ASPRV1: variants seen among roughly 807,000 people sequenced by gnomAD.
ASPRV1 encodes aspartic peptidase retroviral like 1.
ASPRV1 carries 7 observed loss-of-function variants against 11.0 expected under a neutral mutation model. The observed-to-expected ratio is 0.64, with a 90% CI of 0.36 to 1.20. The LOEUF (loss-of-function observed/expected upper bound fraction) is 1.20. Ranked by LOEUF, ASPRV1 falls within the 50% of genes most tolerant of loss-of-function variation. ASPRV1 has a pLI of 0.02. For missense variants in ASPRV1, 299 were observed against 320.0 expected (o/e 0.93, Z 0.50); for synonymous variants, 136 against 138.4 (o/e 0.98, Z 0.12).
At chr2:70,071,180 A>G in the ASPRV1 span, among the ~76,000 whole-genome samples, 1 of 152,248 alleles carries the variant, frequency 6.6e-6, no homozygotes, top group African/African-American at 2.4e-5. Flanking sequence ...GACTTAGCTC[A>G]CCATCAATTC....
the ASPRV1 span, among the ~76,000 whole-genome samples, chr2:70,068,806 G>A: frequency 1.3e-5 from 2 of 151,622 alleles, no homozygotes; most frequent in Admixed American, 6.6e-5. Flanking sequence ...TTAGCCAGTC[G>A]TGGTGGCACA....
the ASPRV1 span, among the ~76,000 whole-genome samples, chr2:70,078,121 C>G: frequency 1.3e-5 from 2 of 152,306 alleles, no homozygotes; most frequent in African/African-American, 4.8e-5. Flanking sequence ...CGCGCCACTG[C>G]ACTCCAGCCT....
the ASPRV1 span, among the ~76,000 whole-genome samples, chr2:70,063,234 G>A: frequency 0.022 from 3,289 of 151,838 alleles, 127 homozygotes; most frequent in African/African-American, 0.076. Flanking sequence ...CTTGGCACAT[G>A]AGTGCCCCCT....
chr2:70,075,959 TCTTA>T, the ASPRV1 span, among the ~76,000 whole-genome samples: 1 of 152,090 alleles, frequency 6.6e-6, no homozygotes, highest in Non-Finnish European at 1.5e-5. Context: ...CCGGACAAGC[TCTTA>T]CTTATGGTCC....
At chr2:70,020,105 G>A in the ASPRV1 span, among the ~76,000 whole-genome samples, 3 of 152,122 alleles carry the variant, frequency 2.0e-5, no homozygotes, top group East Asian at 1.9e-4. Context: ...GTGTCGCAAC[G>A]ATATGGGGAA....
At chr2:70,087,007 T>TCCCCCC in the ASPRV1 span, 1 of 62,322 alleles carries the variant, frequency 1.6e-5, no homozygotes, top group Admixed American at 1.6e-4. Context: ...TCGCCGCCCC[T>TCCCCCC]CCCCCCCGGA....
the ASPRV1 span, among the ~76,000 whole-genome samples, chr2:70,042,951 T>G: frequency 6.6e-6 from 1 of 152,126 alleles, no homozygotes; most frequent in Admixed American, 6.6e-5. Flanking sequence ...ACAGTGAAAT[T>G]GAACCTCAGG....
At chr2:70,064,679 T>C in the ASPRV1 span, among the ~76,000 whole-genome samples, 2 of 152,188 alleles carry the variant, frequency 1.3e-5, no homozygotes, top group Admixed American at 1.3e-4. Flanking sequence ...ATGCAGATGA[T>C]GCTGGAGAGG....
chr2:69,995,004 AAAAT>A, the ASPRV1 span, among the ~76,000 whole-genome samples: 42 of 151,738 alleles, frequency 2.8e-4, no homozygotes, highest in African/African-American at 8.9e-4. Flanking sequence ...TCCGTCTCAA[AAAAT>A]AAATAAATAA....
chr2:70,043,234 A>G, the ASPRV1 span, among the ~76,000 whole-genome samples: 7 of 152,230 alleles, frequency 4.6e-5, no homozygotes, highest in African/African-American at 1.7e-4. Context: ...CCTGGCCAAC[A>G]TGGTGAAACC....
chr2:69,991,077 A>C, the ASPRV1 span, among the ~76,000 whole-genome samples: 1 of 151,974 alleles, frequency 6.6e-6, no homozygotes, highest in Non-Finnish European at 1.5e-5. Flanking sequence ...AGCTATATAA[A>C]TTCACCTCTC....
the ASPRV1 span, among the ~76,000 whole-genome samples, chr2:70,041,534 G>A: frequency 7.2e-5 from 11 of 152,148 alleles, no homozygotes; most frequent in Non-Finnish European, 2.9e-5. Context: ...AGGGAAAGGA[G>A]AAAATTTATG....
chr2:70,074,653 G>T, the ASPRV1 span, among the ~76,000 whole-genome samples: 1 of 151,926 alleles, frequency 6.6e-6, no homozygotes, highest in Non-Finnish European at 1.5e-5. Context: ...TGGTGGCAGG[G>T]TCAAGTCAAG....
At chr2:70,058,550 A>C in the ASPRV1 span, among the ~76,000 whole-genome samples, 3 of 150,822 alleles carry the variant, frequency 2.0e-5, no homozygotes, top group South Asian at 4.2e-4. Context: ...ACTCTGAAGA[A>C]ATTTTTTTTT....
At chr2:69,964,532 C>T (rs1434964837), upstream of ASPRV1, 2 of 282,258 alleles carry the variant, frequency 7.1e-6, no homozygotes, top group Non-Finnish European at 1.4e-5. Flanking sequence ...CTTGGAATGG[C>T]TACGCCAGAG....
chr2:70,028,622 T>C, the ASPRV1 span: 1 of 152,098 alleles, frequency 6.6e-6, no homozygotes, highest in Non-Finnish European at 1.5e-5. Context: ...TGTTGAGAGG[T>C]AGGATCTTTA....
the ASPRV1 span, among the ~76,000 whole-genome samples, chr2:70,057,700 A>G: frequency 6.6e-6 from 1 of 151,694 alleles, no homozygotes; most frequent in Non-Finnish European, 1.5e-5. Context: ...GCTGGTCTTG[A>G]ACTCCTGACC....
At chr2:69,965,121 C>T (rs1335153742), upstream of ASPRV1, among the ~76,000 whole-genome samples, 5 of 152,188 alleles carry the variant, frequency 3.3e-5, no homozygotes, top group Admixed American at 3.3e-4. Context: ...GATCTCGGCT[C>T]ACTGCAACCT....
the ASPRV1 span, among the ~76,000 whole-genome samples, chr2:69,950,458 C>T: frequency 3.3e-5 from 5 of 152,256 alleles, no homozygotes; most frequent in South Asian, 2.1e-4. Flanking sequence ...CTGTGACGTT[C>T]GTTTTTCTTG....
Sources: gnomAD v4.1 joint callset for allele counts (sites outside exome capture counted in the v4.1 genomes callset) on GRCh38, gnomAD v4.1.1 for gene constraint, MANE v1.5 for transcripts, NCBI Gene and HGNC (gene_info 2026-07-23, HGNC 2026-07-21) for gene names.